Variants in IQCM observed in about 807,000 individuals in gnomAD.
IQCM encodes the protein IQ motif containing M, also known as IQ domain-containing protein M.
A neutral mutation model predicts 57.6 loss-of-function variants in IQCM; 45 were observed. The observed-to-expected ratio is 0.78, with a 90% CI of 0.62 to 1.00. The LOEUF is 1.00. Among genes scored for constraint, IQCM ranks in the 50% least tolerant of loss-of-function variants. IQCM has a pLI of 0.00. For synonymous variants in IQCM, 148 were observed against 158.9 expected, an observed-to-expected ratio of 0.93 and a Z score of 0.51; for missense variants, 468 against 511.6, an observed-to-expected ratio of 0.91 and a Z score of 0.82.
chr4:149,759,000 A>G (rs899561704), intron 2 of IQCM, among the ~76,000 whole-genome samples: 3 of 151,982 alleles, frequency 2.0e-5, no homozygotes, highest in African/African-American at 7.3e-5. Flanking sequence ...CTGCATATGA[A>G]TGTTCATAGT....
At chr4:149,563,590 A>G in intron 10 of IQCM, 102 bp downstream of exon 10, 1 of 862,408 alleles carries the variant, frequency 1.2e-6, no homozygotes, top group Non-Finnish European at 1.5e-6. Flanking sequence ...CTATCTCCAA[A>G]AAAAAAAGTA....
chr4:149,712,438 G>A lies in IQCM; in HGVS notation c.385+20806C>T, dbSNP rs930637957. ...GCATAACAGAAGTACCCCCTCCATG[G>A]TACATAGATCAGTTTGAAAAACCAC... On this transcript the variant is annotated intron_variant, in intron 5 of 13. Coordinates refer to ENST00000636793, the MANE Select transcript of IQCM (RefSeq NM_001363507.2). Among the ~76,000 whole-genome samples the A allele has an allele frequency of 2.0e-5, 3 of 151,916 alleles. No individual in the cohort carries two copies. The South Asian group carries it at 6.2e-4, about 32-fold the overall frequency.
intron 13 of IQCM, among the ~76,000 whole-genome samples, chr4:149,423,900 T>C (rs1232245513): frequency 6.6e-6 from 1 of 151,966 alleles, no homozygotes; most frequent in Non-Finnish European, 1.5e-5. Flanking sequence ...ATTTAAATGT[T>C]AAAGAACTGC....
intron 11 of IQCM, among the ~76,000 whole-genome samples, chr4:149,549,838 G>C (rs1290110020): frequency 6.6e-6 from 1 of 152,104 alleles, no homozygotes; most frequent in Non-Finnish European, 1.5e-5. Context: ...ATTTAGCTGA[G>C]GGAGATAGCT....
intron 7 of IQCM, among the ~76,000 whole-genome samples, chr4:149,672,409 A>C (rs1173499312): frequency 6.6e-6 from 1 of 152,202 alleles, no homozygotes; most frequent in African/African-American, 2.4e-5. Flanking sequence ...TAACTAGAAG[A>C]AACAGAGTAG....
At chr4:149,721,443 C>T (rs1257670888) in intron 5 of IQCM, among the ~76,000 whole-genome samples, 1 of 151,940 alleles carries the variant, frequency 6.6e-6, no homozygotes, top group Non-Finnish European at 1.5e-5. Flanking sequence ...TAGACCTCGC[C>T]CACCCTCCTC....
rs72957412 is a variant in IQCM, at chr4:149,580,266, G to T, written c.749+7664C>A. Among the ~76,000 whole-genome samples the T allele has an allele frequency of 4.6e-3, 695 of 151,788 alleles. 5 individuals are homozygous for T. The highest frequency in any genetic ancestry group is 0.015 in the African/African-American group (640 of 41,472). On this transcript the variant is annotated intron_variant, in intron 9 of 13. Coordinates refer to ENST00000636793, the MANE Select transcript of IQCM (RefSeq NM_001363507.2). ...GCCGATCTATCTTTGAGAAACTGGA[G>T]AATAAAAGAGATGTGAGAATTCTGG... is the stretch of plus-strand genomic sequence containing the variant.
intron 7 of IQCM, among the ~76,000 whole-genome samples, chr4:149,658,404 A>G (rs1294838355): frequency 6.6e-6 from 1 of 151,962 alleles, no homozygotes; most frequent in Non-Finnish European, 1.5e-5. Flanking sequence ...TGGTTACTAA[A>G]GCTTTGTAAT....
At chr4:149,439,873 T>C (rs997361223) in intron 12 of IQCM, among the ~76,000 whole-genome samples, 2 of 152,026 alleles carry the variant, frequency 1.3e-5, no homozygotes, top group Non-Finnish European at 2.9e-5. Context: ...ATAAGATATT[T>C]CTTTTCACTT....
intron 5 of IQCM, among the ~76,000 whole-genome samples, chr4:149,703,351 TG>T: frequency 6.6e-6 from 1 of 152,014 alleles, no homozygotes; most frequent in South Asian, 2.1e-4. Context: ...TTCTTATTCA[TG>T]TTAACATTAA....
At chr4:149,373,833 C>T (rs1435974019) in intron 13 of IQCM, among the ~76,000 whole-genome samples, 1 of 152,082 alleles carries the variant, frequency 6.6e-6, no homozygotes, top group East Asian at 1.9e-4. Flanking sequence ...CTCAGAGGCC[C>T]ATGGAACTCA....
At chr4:149,626,307 T>C (rs915919859) in intron 7 of IQCM, among the ~76,000 whole-genome samples, 7 of 151,086 alleles carry the variant, frequency 4.6e-5, no homozygotes, top group African/African-American at 1.7e-4. Context: ...GAGCTCGCAT[T>C]GGCTCTCCTT....
intron 2 of IQCM, among the ~76,000 whole-genome samples, chr4:149,781,871 G>A (rs1421746611): frequency 6.6e-6 from 1 of 152,150 alleles, no homozygotes; most frequent in Non-Finnish European, 1.5e-5. Context: ...AAGAATTTGA[G>A]ATCTTGGCAA....
chr4:149,686,953 G>A (rs576141925), intron 5 of IQCM, among the ~76,000 whole-genome samples: 4 of 151,520 alleles, frequency 2.6e-5, no homozygotes, highest in African/African-American at 9.7e-5. Flanking sequence ...AAAAGGCAAA[G>A]GTTCTACTTT....
At chr4:149,353,201 T>C (rs897477373) in intron 13 of IQCM, among the ~76,000 whole-genome samples, 2 of 152,130 alleles carry the variant, frequency 1.3e-5, no homozygotes, top group Non-Finnish European at 2.9e-5. Context: ...ACATCATTAA[T>C]CATCAGGGAA....
At chr4:149,531,118 AGAGT>A (rs1746703702) in intron 12 of IQCM, among the ~76,000 whole-genome samples, 1 of 152,152 alleles carries the variant, frequency 6.6e-6, no homozygotes, top group African/African-American at 2.4e-5. Context: ...CAGAAATGAT[AGAGT>A]AAGTTATAAC....
At chr4:149,813,916 C>A (rs1337966031) in intron 2 of IQCM, among the ~76,000 whole-genome samples, 2 of 152,004 alleles carry the variant, frequency 1.3e-5, no homozygotes, top group South Asian at 2.1e-4. Flanking sequence ...CTGCTCTGAC[C>A]CATTTAGAAC....
chr4:149,534,776 T>C (rs1747116547), intron 12 of IQCM, among the ~76,000 whole-genome samples: 1 of 152,092 alleles, frequency 6.6e-6, no homozygotes, highest in East Asian at 1.9e-4. Flanking sequence ...ATATGAAAAC[T>C]GAATTTTAAA....
chr4:149,510,739 T>A (rs1744319153), intron 12 of IQCM, among the ~76,000 whole-genome samples: 1 of 152,136 alleles, frequency 6.6e-6, no homozygotes, highest in Non-Finnish European at 1.5e-5. Flanking sequence ...GACCCTAAAT[T>A]TGGATTTGTC....
Sources: allele counts gnomAD v4.1 joint callset (sites outside exome capture counted in the v4.1 genomes callset), GRCh38; gene constraint gnomAD v4.1.1; transcripts MANE v1.5; gene names NCBI Gene and HGNC (gene_info 2026-07-23, HGNC 2026-07-21).